The following GALNT13 variants were observed in gnomAD, a reference collection of about 807,000 sequenced individuals.
The protein encoded by GALNT13 is UDP-GalNAc:polypeptide N-acetylgalactosaminyltransferase 13.
In GALNT13, 28 loss-of-function variants were observed where a neutral mutation model predicts 64.2. The ratio of observed to expected loss-of-function variants is 0.44; its 90% CI spans 0.32 to 0.60. The LOEUF (loss-of-function observed/expected upper bound fraction) is 0.60. Ranked by LOEUF, GALNT13 falls within the 20% of genes least tolerant of loss-of-function variation. GALNT13 has a pLI of 0.05. For missense variants in GALNT13, 577 were observed against 669.8 expected (o/e 0.86, Z 1.53); for synonymous variants, 214 against 224.6 (o/e 0.95, Z 0.42).
chr2:153,817,467 C>T, the GALNT13 span, among the ~76,000 whole-genome samples: 1 of 152,186 alleles, frequency 6.6e-6, no homozygotes, highest in Non-Finnish European at 1.5e-5. Flanking sequence ...TGTCTTATCA[C>T]CCTGACCTGT....
chr2:153,153,026 C>T, the GALNT13 span, among the ~76,000 whole-genome samples: 9 of 152,256 alleles, frequency 5.9e-5, no homozygotes, highest in East Asian at 1.9e-4. Context: ...CTCCTACCAA[C>T]GGTGTATAAG....
chr2:154,094,934 C>T (rs1474249133), intron 3 of GALNT13, among the ~76,000 whole-genome samples: 1 of 151,810 alleles, frequency 6.6e-6, no homozygotes, highest in Non-Finnish European at 1.5e-5. Context: ...ATTTTTGTCA[C>T]CACATAATGC....
At chr2:153,602,541 C>T in the GALNT13 span, among the ~76,000 whole-genome samples, 4 of 151,588 alleles carry the variant, frequency 2.6e-5, no homozygotes, top group South Asian at 2.1e-4. Flanking sequence ...ACGGGCAAGA[C>T]GTTTTAAGGA....
At chr2:153,627,474 C>A in the GALNT13 span, among the ~76,000 whole-genome samples, 5,430 of 152,082 alleles carry the variant, frequency 0.036, 128 homozygotes, top group Middle Eastern at 0.065. Flanking sequence ...GTAGACTTGA[C>A]ATGATTTATT....
chr2:154,322,144 C>CTTT (rs70983718), intron 9 of GALNT13, among the ~76,000 whole-genome samples: 3 of 16,634 alleles, frequency 1.8e-4, no homozygotes, highest in African/African-American at 7.9e-4. Flanking sequence ...AAAATATGTA[C>CTTT]TTTTTTTTTT....
intron 2 of GALNT13, among the ~76,000 whole-genome samples, chr2:153,930,232 A>T (rs1201885465): frequency 2.0e-5 from 3 of 152,088 alleles, no homozygotes; most frequent in African/African-American, 4.8e-5. Flanking sequence ...TAGATTCTGA[A>T]TATTAGACCT....
chr2:153,130,468 C>G, the GALNT13 span, among the ~76,000 whole-genome samples: 1 of 152,124 alleles, frequency 6.6e-6, no homozygotes, highest in Non-Finnish European at 1.5e-5. Flanking sequence ...TTGCTATTTG[C>G]TGAAAACTCT....
chr2:153,168,443 T>G, the GALNT13 span, among the ~76,000 whole-genome samples: 1 of 152,230 alleles, frequency 6.6e-6, no homozygotes, highest in Non-Finnish European at 1.5e-5. Context: ...GTTATATATT[T>G]GTGGTACACA....
the GALNT13 span, among the ~76,000 whole-genome samples, chr2:153,547,385 A>G: frequency 6.6e-6 from 1 of 152,222 alleles, no homozygotes; most frequent in Admixed American, 6.5e-5. Context: ...TTCTATTTTC[A>G]TTGAAGATAA....
the GALNT13 span, among the ~76,000 whole-genome samples, chr2:153,502,455 T>C: frequency 1.3e-5 from 2 of 152,256 alleles, no homozygotes; most frequent in African/African-American, 4.8e-5. Context: ...TATTCCATGA[T>C]ATATATACCA....
chr2:153,399,051 TTTTAGGTCTAACG>T, the GALNT13 span, among the ~76,000 whole-genome samples: 2 of 128,466 alleles, frequency 1.6e-5, no homozygotes, highest in African/African-American at 6.2e-5. Flanking sequence ...GTTTTTATGG[TTTTAGGTCTAACG>T]TTTAAGTCTT....
intron 2 of GALNT13, among the ~76,000 whole-genome samples, chr2:153,916,338 G>A (rs976468518): frequency 1.3e-5 from 2 of 151,772 alleles, no homozygotes; most frequent in African/African-American, 4.8e-5. Context: ...TAAATTTTTA[G>A]TAGCAATGAG....
chr2:153,530,939 C>T, the GALNT13 span, among the ~76,000 whole-genome samples: 1 of 152,118 alleles, frequency 6.6e-6, no homozygotes, highest in Non-Finnish European at 1.5e-5. Context: ...GAAACTACTG[C>T]AAGAAAACAT....
At chr2:153,703,008 G>A in the GALNT13 span, among the ~76,000 whole-genome samples, 5 of 152,122 alleles carry the variant, frequency 3.3e-5, no homozygotes, top group Admixed American at 1.3e-4. Context: ...TAAGAGAAAA[G>A]CAAGGGAAGT....
chr2:153,884,567 A>G (rs1482891829), intron 1 of GALNT13, among the ~76,000 whole-genome samples: 2 of 151,662 alleles, frequency 1.3e-5, no homozygotes, highest in Non-Finnish European at 2.9e-5. Context: ...CATTGGATTT[A>G]GTCCTGATAA....
At chr2:154,357,801 C>G (rs1255999842) in intron 9 of GALNT13, among the ~76,000 whole-genome samples, 1 of 152,010 alleles carries the variant, frequency 6.6e-6, no homozygotes, top group East Asian at 1.9e-4. Flanking sequence ...ATCGGTCTTT[C>G]AGTGTATGCT....
At chr2:153,620,519 T>A in the GALNT13 span, among the ~76,000 whole-genome samples, 2 of 151,962 alleles carry the variant, frequency 1.3e-5, no homozygotes, top group Non-Finnish European at 2.9e-5. Context: ...ACCAATTATT[T>A]CTTCTGCTTG....
the GALNT13 span, among the ~76,000 whole-genome samples, chr2:153,554,673 T>C: frequency 4.1e-5 from 6 of 147,214 alleles, no homozygotes; most frequent in Non-Finnish European, 7.4e-5. Flanking sequence ...TGTGTGTGTG[T>C]GTGTGTGTGT....
chr2:154,338,085 C>T (rs1451429708), intron 9 of GALNT13, among the ~76,000 whole-genome samples: 1 of 151,946 alleles, frequency 6.6e-6, no homozygotes, highest in Non-Finnish European at 1.5e-5. Flanking sequence ...ACCTTGTCCC[C>T]CTGGCCTCTA....
Sources: gnomAD v4.1 joint callset for allele counts (sites outside exome capture counted in the v4.1 genomes callset) on GRCh38, gnomAD v4.1.1 for gene constraint, MANE v1.5 for transcripts, NCBI Gene and HGNC (gene_info 2026-07-23, HGNC 2026-07-21) for gene names.